The following CACNA2D2 variants were observed in gnomAD, a reference collection of about 807,000 sequenced individuals.
The protein encoded by CACNA2D2 is voltage-dependent calcium channel subunit alpha-2/delta-2.
A neutral mutation model predicts 166.4 loss-of-function variants in CACNA2D2; 48 were observed. The observed-to-expected ratio is 0.29, with a 90% CI of 0.23 to 0.37. The LOEUF (loss-of-function observed/expected upper bound fraction) is 0.37. Among genes scored for constraint, CACNA2D2 ranks in the 10% least tolerant of loss-of-function variants. The probability of loss-of-function intolerance (pLI) is 1.00; values close to 1 mark genes in which losing one functional copy is unlikely to be tolerated. For missense variants in CACNA2D2, 1,122 were observed against 1,433.0 expected, an observed-to-expected ratio of 0.78 and a Z score of 3.50; for synonymous variants, 561 against 573.7, an observed-to-expected ratio of 0.98 and a Z score of 0.32.
chr3:50,497,955 A>C (rs1446148125), intron 1 of CACNA2D2, among the ~76,000 whole-genome samples: 2 of 152,188 alleles, frequency 1.3e-5, no homozygotes, highest in Non-Finnish European at 2.9e-5. Context: ...TGACATGAAG[A>C]GAATCTTCCC....
Position 50,380,915 on chromosome 3 carries a change from C to A in CACNA2D2, c.784+80G>T. ...CAGACTACAGAGAAGCCACCCCGCC[C>A]CATGCCCCCAGGATGGGTGGGCTGG... On this transcript the variant is annotated intron_variant, in intron 7 of 37. Coordinates refer to ENST00000424201, the MANE Select transcript of CACNA2D2 (RefSeq NM_006030.4). The surrounding 1 kb of genome is among the most constrained non-coding windows in gnomAD (Gnocchi z 4.9). The A allele has an allele frequency of 6.3e-7, 1 of 1,580,972 alleles. No homozygotes were observed. The highest frequency in any genetic ancestry group is 1.2e-5 in the South Asian group (1 of 86,252).
chr3:50,399,993 C>A (rs1706362915), intron 3 of CACNA2D2, among the ~76,000 whole-genome samples: 1 of 152,196 alleles, frequency 6.6e-6, no homozygotes, highest in Non-Finnish European at 1.5e-5. Context: ...CCTGCCTAGC[C>A]CAGCACTGGC....
chr3:50,447,301 C>G (rs866023813), intron 2 of CACNA2D2, among the ~76,000 whole-genome samples: 1 of 152,158 alleles, frequency 6.6e-6, no homozygotes, highest in South Asian at 2.1e-4. Context: ...TCTCCCCCAC[C>G]GCCCCCTTCT....
intron 3 of CACNA2D2, among the ~76,000 whole-genome samples, chr3:50,394,567 G>T (rs1706053491): frequency 6.6e-6 from 1 of 152,224 alleles, no homozygotes; most frequent in Admixed American, 6.5e-5. Flanking sequence ...CCTTCTGACA[G>T]CTATCCAGAG....
intron 3 of CACNA2D2, among the ~76,000 whole-genome samples, chr3:50,402,614 C>T (rs541968423): frequency 1.1e-4 from 17 of 152,376 alleles, no homozygotes; most frequent in African/African-American, 3.8e-4. Flanking sequence ...CTACTCCAGG[C>T]TGCTGGGGCT....
chr3:50,441,294 T>A (rs932373115), intron 2 of CACNA2D2, among the ~76,000 whole-genome samples: 8 of 150,928 alleles, frequency 5.3e-5, no homozygotes, highest in Non-Finnish European at 7.4e-5. Context: ...CAGCAACGCC[T>A]CCCTGTTTTT....
rs79787036 is a variant in CACNA2D2, at chr3:50,417,993, C to T, written c.405+16320G>A. On this transcript the variant is annotated intron_variant, in intron 3 of 37. Transcript: ENST00000424201. ...TGCTACAGTGGGAGGAAGAGCCACA[C>T]ATCCCTGCCTGTATCAGGTTTGGAA... 1.5e-3 allele frequency among the ~76,000 whole-genome samples: 222 copies of T among 152,248 alleles called. 5 individuals carry two copies. The East Asian group carries it at 0.04, about 28-fold the overall frequency.
At chr3:50,439,887 A>C (rs1415660900) in intron 2 of CACNA2D2, among the ~76,000 whole-genome samples, 3 of 152,208 alleles carry the variant, frequency 2.0e-5, no homozygotes, top group African/African-American at 7.2e-5. Context: ...CTAGCCAGTC[A>C]GGGTAGAGCC....
At chr3:50,370,401 T>C (rs762282041) in intron 22 of CACNA2D2, 21 bp from the exon 23 acceptor site, 28 of 1,159,332 alleles carry the variant, frequency 2.4e-5, no homozygotes, top group Non-Finnish European at 3.3e-5. Context: ...AACGGGGGGT[T>C]ATCCGGCGGG....
intron 2 of CACNA2D2, among the ~76,000 whole-genome samples, chr3:50,439,914 C>T (rs1393101972): frequency 6.6e-6 from 1 of 152,184 alleles, no homozygotes; most frequent in Non-Finnish European, 1.5e-5. Context: ...GGGCCCCCTG[C>T]CTCACCCACC....
intron 1 of CACNA2D2, among the ~76,000 whole-genome samples, chr3:50,500,683 C>A (rs1183001267): frequency 2.6e-5 from 4 of 152,070 alleles, no homozygotes; most frequent in Middle Eastern, 3.2e-3. Context: ...TACATGTGTG[C>A]AAACATGTAG....
chr3:50,432,344 C>T (rs540831688), intron 3 of CACNA2D2, among the ~76,000 whole-genome samples: 1 of 152,362 alleles, frequency 6.6e-6, no homozygotes, highest in South Asian at 2.1e-4. Context: ...GCTGTGCCGG[C>T]CTGGCTGAGT....
intron 2 of CACNA2D2, among the ~76,000 whole-genome samples, chr3:50,444,254 C>G (rs1708739043): frequency 6.6e-6 from 1 of 152,206 alleles, no homozygotes; most frequent in Admixed American, 6.5e-5. Context: ...TGGTCAGCAG[C>G]TGGCTGGCTT....
At chr3:50,450,921 C>T (rs2106955094) in intron 2 of CACNA2D2, among the ~76,000 whole-genome samples, 1 of 152,280 alleles carries the variant, frequency 6.6e-6, no homozygotes, top group Middle Eastern at 3.4e-3. Flanking sequence ...TGGGACCTGC[C>T]TCTGAGCTGT....
chr3:50,384,097 G>T, intron 6 of CACNA2D2, 99 bp downstream of exon 6: 1 of 1,449,092 alleles, frequency 6.9e-7, no homozygotes, highest in Non-Finnish European at 9.5e-7. Context: ...GAGGTAGATG[G>T]CACTGGCCTT....
rs1304646463 is a variant in CACNA2D2 at position 50,427,515 on chromosome 3, C to T, written c.405+6798G>A. On this transcript the variant is annotated intron_variant, in intron 3 of 37. Transcript: ENST00000424201. This position sits in a 1 kb window ranked among gnomAD's most constrained non-coding sequence, Gnocchi z 4.7. ...AATTGGCTCCACGTGTCTGCGGCTC[C>T]TTTCCAGAGCAGGAGAGTGGAAGGG... Among the ~76,000 whole-genome samples, 1 of 152,256 alleles carries T rather than the reference C, an allele frequency of 6.6e-6. No homozygotes were observed. Among genetic ancestry groups the T allele is most frequent in the Non-Finnish European group, 1.5e-5 (1 of 68,042 alleles).
chr3:50,429,194 C>A lies in CACNA2D2; in HGVS notation c.405+5119G>T, dbSNP rs577508617. 3.9e-5 allele frequency among the ~76,000 whole-genome samples: 6 copies of A among 152,218 alleles called. No homozygotes were observed. In the South Asian group the frequency reaches 8.3e-4, roughly 21 times the overall value. On this transcript the variant is annotated intron_variant, in intron 3 of 37. Transcript: ENST00000424201. ...GCAGTGAGCTGAAATCCCACCACTG[C>A]GCTCCAGCCTGGGTGACAGAGCAAG... is the stretch of plus-strand genomic sequence containing the variant.
intron 3 of CACNA2D2, among the ~76,000 whole-genome samples, chr3:50,424,658 C>T (rs1707722293): frequency 6.6e-6 from 1 of 152,216 alleles, no homozygotes; most frequent in Non-Finnish European, 1.5e-5. Flanking sequence ...TCTATTCGTG[C>T]TGTCCCCGTA....
intron 2 of CACNA2D2, among the ~76,000 whole-genome samples, chr3:50,465,138 G>T (rs895734528): frequency 6.6e-6 from 1 of 152,262 alleles, no homozygotes; most frequent in Non-Finnish European, 1.5e-5. Flanking sequence ...CTGTAGTCGG[G>T]AGGCTGGGTG....
Sources: allele counts gnomAD v4.1 joint callset (sites outside exome capture counted in the v4.1 genomes callset), GRCh38; gene constraint gnomAD v4.1.1; non-coding constraint Gnocchi (gnomAD v3.1); transcripts MANE v1.5; gene names NCBI Gene and HGNC (gene_info 2026-07-23, HGNC 2026-07-21).